The following DCC variants were observed in gnomAD, a reference collection of about 807,000 sequenced individuals.
DCC encodes the protein netrin receptor DCC.
Under a neutral mutation model 172.5 loss-of-function variants are expected in DCC, and 58 were observed. That is an observed-to-expected ratio of 0.34 (90% CI 0.27 to 0.42). The LOEUF (loss-of-function observed/expected upper bound fraction) is 0.42. DCC is among the 10% of genes least tolerant of loss of function. The pLI, the probability that DCC is intolerant of heterozygous loss-of-function variation, is 1.00. For synonymous variants in DCC, 709 were observed against 644.5 expected (o/e 1.10, Z -1.52); for missense variants, 1,740 against 1,791.0 (o/e 0.97, Z 0.51).
intron 3 of DCC, among the ~76,000 whole-genome samples, chr18:52,917,687 A>C (rs891465360): frequency 2.6e-5 from 4 of 152,182 alleles, no homozygotes; most frequent in Admixed American, 1.3e-4. Flanking sequence ...GTAGCCTGAG[A>C]TCAGTATCAC....
intron 27 of DCC, among the ~76,000 whole-genome samples, chr18:53,513,458 T>TAA (rs1283004780): frequency 6.6e-6 from 1 of 152,124 alleles, no homozygotes. Flanking sequence ...AATTCACACA[T>TAA]AACAATATTA....
At chr18:52,594,133 A>G (rs570035620) in intron 1 of DCC, among the ~76,000 whole-genome samples, 60 of 152,336 alleles carry the variant, frequency 3.9e-4, no homozygotes, top group Middle Eastern at 3.4e-3. Context: ...ATAATAAGTC[A>G]TAGCTCTAGG....
At chr18:53,051,194 C>A (rs2042329618) in intron 5 of DCC, among the ~76,000 whole-genome samples, 1 of 152,122 alleles carries the variant, frequency 6.6e-6, no homozygotes, top group Non-Finnish European at 1.5e-5. Context: ...TATACCATTG[C>A]ACTCCAGCCT....
At chr18:53,408,652 G>A (rs1287017803) in intron 19 of DCC, among the ~76,000 whole-genome samples, 3 of 152,140 alleles carry the variant, frequency 2.0e-5, no homozygotes, top group Non-Finnish European at 2.9e-5. Context: ...TAGAGGATGA[G>A]GATAATTGGT....
intron 5 of DCC, among the ~76,000 whole-genome samples, chr18:53,032,147 G>T (rs954972653): frequency 2.0e-5 from 3 of 151,960 alleles, no homozygotes; most frequent in African/African-American, 7.2e-5. Context: ...TTTTGAATCA[G>T]TTTATTTTTT....
intron 12 of DCC, among the ~76,000 whole-genome samples, chr18:53,291,449 G>C (rs554825383): frequency 6.6e-6 from 1 of 152,058 alleles, no homozygotes; most frequent in Non-Finnish European, 1.5e-5. Context: ...TAAATATCTG[G>C]TGAAATAAAC....
chr18:52,586,075 T>C (rs1598933857), intron 1 of DCC, among the ~76,000 whole-genome samples: 2 of 77,792 alleles, frequency 2.6e-5, no homozygotes, highest in Admixed American at 2.5e-4. Flanking sequence ...AGAGCAAGAC[T>C]CCGTCTCAAA....
intron 1 of DCC, among the ~76,000 whole-genome samples, chr18:52,558,612 T>G (rs1313609038): frequency 1.3e-5 from 2 of 152,128 alleles, no homozygotes; most frequent in African/African-American, 4.8e-5. Flanking sequence ...GTGAGGTCAG[T>G]AGAACGGGGT....
chr18:53,462,052 G>A (rs1330737194), intron 24 of DCC, among the ~76,000 whole-genome samples: 2 of 152,164 alleles, frequency 1.3e-5, no homozygotes, highest in Non-Finnish European at 2.9e-5. Context: ...TGAAGAGGGA[G>A]GGGAGGTGAG....
At chr18:53,256,033 G>T (rs994542312) in intron 12 of DCC, among the ~76,000 whole-genome samples, 2 of 152,084 alleles carry the variant, frequency 1.3e-5, no homozygotes, top group African/African-American at 4.8e-5. Flanking sequence ...GTCTGTTCAT[G>T]TCCTTCACCC....
chr18:53,047,268 A>T (rs1364641388), intron 5 of DCC, among the ~76,000 whole-genome samples: 150 of 17,654 alleles, frequency 8.5e-3, no homozygotes, highest in African/African-American at 0.045. Flanking sequence ...ATATATATAT[A>T]TATATATATA....
At chr18:52,445,792 T>C (rs773983647) in intron 1 of DCC, among the ~76,000 whole-genome samples, 10 of 152,190 alleles carry the variant, frequency 6.6e-5, no homozygotes, top group Non-Finnish European at 1.3e-4. Context: ...AAGTGGCCCC[T>C]AGTGTGGGAA....
chr18:52,364,248 G>T (rs1443918602), intron 1 of DCC, among the ~76,000 whole-genome samples: 1 of 152,074 alleles, frequency 6.6e-6, no homozygotes, highest in Non-Finnish European at 1.5e-5. Flanking sequence ...TGTAGTGATT[G>T]GTTCTATGAT....
At chr18:53,449,174 C>A (rs143012310) in intron 22 of DCC, among the ~76,000 whole-genome samples, 1 of 152,180 alleles carries the variant, frequency 6.6e-6, no homozygotes, top group East Asian at 1.9e-4. Flanking sequence ...GGAAAACATA[C>A]AAATTCCTTG....
At chr18:52,849,326 G>A (rs577654476) in intron 2 of DCC, among the ~76,000 whole-genome samples, 30 of 152,202 alleles carry the variant, frequency 2.0e-4, no homozygotes, top group South Asian at 1.9e-3. Flanking sequence ...AAATCAGCAG[G>A]AATGCCTTTC....
At position 52,952,652 on chromosome 18, in the gene DCC, C is replaced by G. The variant is rs1311760734; in HGVS notation, c.985+27282C>G. Among the ~76,000 whole-genome samples, 4 of 152,072 alleles carry G rather than the reference C, an allele frequency of 2.6e-5. No homozygotes were observed. The East Asian group carries it at 7.7e-4, about 29-fold the overall frequency. ...CTTAGTGTCATTTCCATAAACAGAG[C>G]TAATTTACTTCTTTATATGTTGACA... On this transcript the variant is annotated intron_variant, in intron 5 of 28. Coordinates refer to ENST00000442544, the MANE Select transcript of DCC (RefSeq NM_005215.4).
intron 1 of DCC, among the ~76,000 whole-genome samples, chr18:52,424,793 C>T (rs76136680): frequency 2.6e-5 from 4 of 152,144 alleles, no homozygotes; most frequent in South Asian, 2.1e-4. Flanking sequence ...GGGGTTCAGA[C>T]GATGCCAGTC....
At chr18:52,834,030 A>G (rs2038661539) in intron 2 of DCC, among the ~76,000 whole-genome samples, 1 of 152,110 alleles carries the variant, frequency 6.6e-6, no homozygotes, top group Non-Finnish European at 1.5e-5. Flanking sequence ...GCTTGGGTAC[A>G]TACACAGCAG....
At chr18:52,443,635 C>G (rs9947772) in intron 1 of DCC, among the ~76,000 whole-genome samples, 1,809 of 152,158 alleles carry the variant, frequency 0.012, 60 homozygotes, top group Admixed American at 0.065. Flanking sequence ...GATCAAGGAA[C>G]TGCAAGTAAT....
Sources: allele counts gnomAD v4.1 joint callset (sites outside exome capture counted in the v4.1 genomes callset), GRCh38; gene constraint gnomAD v4.1.1; transcripts MANE v1.5; gene names NCBI Gene and HGNC (gene_info 2026-07-23, HGNC 2026-07-21).